CYBRD1: variants seen among roughly 807,000 people sequenced by gnomAD.
The protein encoded by CYBRD1 is plasma membrane ascorbate-dependent reductase CYBRD1.
CYBRD1 carries 14 observed loss-of-function variants against 21.9 expected under a neutral mutation model. The ratio of observed to expected loss-of-function variants is 0.64; its 90% CI spans 0.42 to 1.00. The LOEUF (loss-of-function observed/expected upper bound fraction) is 1.00. Ranked by LOEUF, CYBRD1 falls within the 50% of genes least tolerant of loss-of-function variation. The probability of loss-of-function intolerance (pLI) is 0.00; values close to 1 mark genes in which losing one functional copy is unlikely to be tolerated. For missense variants in CYBRD1, 328 were observed against 352.5 expected (o/e 0.93, Z 0.56); for synonymous variants, 146 against 136.5 (o/e 1.07, Z -0.48).
At chr2:171,530,449 T>C (rs1184519359) in intron 1 of CYBRD1, among the ~76,000 whole-genome samples, 1 of 152,240 alleles carries the variant, frequency 6.6e-6, no homozygotes, top group African/African-American at 2.4e-5. Context: ...GCCTAATAAC[T>C]GGTGACAAAC....
Position 171,558,115 on chromosome 2 carries a change from A to C in CYBRD1, c.*3288A>C, listed in dbSNP as rs1683521759. 6.6e-6 allele frequency: 1 copy of C among 151,524 alleles called. No individual in the cohort carries two copies. Among genetic ancestry groups the C allele is most frequent in the Admixed American group, 6.6e-5 (1 of 15,164 alleles). The allele number at this position is 151,524 out of a possible 1,614,324, so 9.4% of individuals were successfully genotyped here. ...TCTTGACTTCTTTTATATAGTAATA[A>C]AAGTTATTTTGGAAGCTCTTTGTGT... On this transcript the variant is annotated 3_prime_UTR_variant, in exon 4 of 4. Transcript: ENST00000321348.
intron 2 of CYBRD1, among the ~76,000 whole-genome samples, chr2:171,545,327 A>T (rs1485138458): frequency 6.7e-6 from 1 of 150,364 alleles, no homozygotes; most frequent in East Asian, 1.9e-4. Flanking sequence ...TCATAAATGG[A>T]TGTGGAATTT....
intron 1 of CYBRD1, among the ~76,000 whole-genome samples, chr2:171,525,913 C>T (rs1360869613): frequency 7.4e-6 from 1 of 135,786 alleles, no homozygotes; most frequent in Non-Finnish European, 1.5e-5. Flanking sequence ...TGCCATTGCA[C>T]TTCAGCCTGG....
At chr2:171,543,332 G>T (rs967887803) in intron 2 of CYBRD1, among the ~76,000 whole-genome samples, 8 of 152,198 alleles carry the variant, frequency 5.3e-5, no homozygotes, top group Admixed American at 1.3e-4. Context: ...TGAGGTCCCT[G>T]TTCCCTTGCT....
At chr2:171,544,309 C>T (rs1250391534) in intron 2 of CYBRD1, among the ~76,000 whole-genome samples, 2 of 152,106 alleles carry the variant, frequency 1.3e-5, no homozygotes, top group Non-Finnish European at 2.9e-5. Flanking sequence ...TGCATTTTCT[C>T]TGTTGTTAAC....
chr2:171,528,516 A>C (rs1406021300), intron 1 of CYBRD1, among the ~76,000 whole-genome samples: 2 of 151,524 alleles, frequency 1.3e-5, no homozygotes, highest in Non-Finnish European at 2.9e-5. Flanking sequence ...GTTCTTCCTC[A>C]TCTTCCTGAT....
Position 171,522,814 on chromosome 2 carries a change from C to G in CYBRD1, c.193+76C>G, listed in dbSNP as rs941072134. The stretch of plus-strand genomic sequence containing the variant: ...GGGGCAGAGGGTCCTCCGTGAAGCC[C>G]CTTCCAGCTGAGGAAGTGCTGGAGG... On this transcript the variant is annotated intron_variant, in intron 1 of 3. Coordinates refer to ENST00000321348, the MANE Select transcript of CYBRD1 (RefSeq NM_024843.4). The surrounding 1 kb of genome is among the most constrained non-coding windows in gnomAD (Gnocchi z 4.3). 6.3e-7 allele frequency: 1 copy of G among 1,593,404 alleles called. No homozygotes were observed. The highest frequency in any genetic ancestry group is 8.5e-7 in the Non-Finnish European group (1 of 1,169,976).
chr2:171,534,042 T>G (rs1697511686), intron 1 of CYBRD1, among the ~76,000 whole-genome samples: 2 of 152,234 alleles, frequency 1.3e-5, no homozygotes, highest in Non-Finnish European at 2.9e-5. Flanking sequence ...TTCAAGTTAC[T>G]GTATTTTTCT....
In CYBRD1 at chr2:171,554,812, G is replaced by A; in HGVS notation, c.846G>A (p.Gln282=). The A allele has an allele frequency of 1.2e-6, 2 of 1,613,194 alleles. No individual in the cohort carries two copies. The highest frequency in any genetic ancestry group is 1.7e-6 in the Non-Finnish European group (2 of 1,179,892). ...KRNLALDEAG[Q]RSTM ...ACTTAGCTCTGGATGAGGCTGGGCA[G>A]AGATCTACCATGTAAAATGTTGTAG... Residue 282 remains glutamine, a synonymous_variant, in exon 4 of 4, where the codon CAG becomes CAA. Transcript: ENST00000321348.
chr2:171,545,877 C>T (rs1211407319), intron 2 of CYBRD1, among the ~76,000 whole-genome samples: 1 of 152,020 alleles, frequency 6.6e-6, no homozygotes, highest in Non-Finnish European at 1.5e-5. Flanking sequence ...TTGAAATATA[C>T]AATAAATTAT....
At chr2:171,545,300 T>G (rs1490961502) in intron 2 of CYBRD1, among the ~76,000 whole-genome samples, 1 of 152,112 alleles carries the variant, frequency 6.6e-6, no homozygotes, top group African/African-American at 2.4e-5. Context: ...TGCAAAGGTT[T>G]TGTTTTTCTT....
chr2:171,536,783 T>C (rs1697552195), intron 1 of CYBRD1, among the ~76,000 whole-genome samples: 1 of 152,230 alleles, frequency 6.6e-6, no homozygotes, highest in Non-Finnish European at 1.5e-5. Flanking sequence ...TGGGAATTTT[T>C]GATATAATAT....
intron 1 of CYBRD1, chr2:171,539,712 A>C (rs1697599921): frequency 1.3e-5 from 2 of 149,176 alleles, no homozygotes; most frequent in South Asian, 4.3e-4. Flanking sequence ...AACCCTTTGT[A>C]AAAAAACTTT....
chr2:171,529,352 A>G (rs1189329234), intron 1 of CYBRD1, among the ~76,000 whole-genome samples: 1 of 151,906 alleles, frequency 6.6e-6, no homozygotes, highest in Non-Finnish European at 1.5e-5. Flanking sequence ...ACCAACATGG[A>G]GAAACCCCAT....
chr2:171,536,948 GTGA>G (rs1270145730), intron 1 of CYBRD1, among the ~76,000 whole-genome samples: 3 of 152,056 alleles, frequency 2.0e-5, no homozygotes, highest in Non-Finnish European at 4.4e-5. Flanking sequence ...TAATGTGATG[GTGA>G]TGATGATAAC....
In CYBRD1 at chr2:171,546,949, G is replaced by A. The variant is rs1284394055; in HGVS notation, c.402+5156G>A. 2.0e-5 allele frequency among the ~76,000 whole-genome samples: 3 copies of A among 152,212 alleles called. No individual in the cohort carries two copies. In the South Asian group the frequency reaches 6.2e-4, roughly 31 times the overall value. On this transcript the variant is annotated intron_variant, in intron 2 of 3. Transcript: ENST00000321348. ...ATAATTATAGGGAGACTAGCTTGCA[G>A]GTGTTTATGGAGTTAAGATGAGAAA...
At chr2:171,548,108 T>C (rs1697744621) in intron 2 of CYBRD1, among the ~76,000 whole-genome samples, 1 of 140,454 alleles carries the variant, frequency 7.1e-6, no homozygotes, top group African/African-American at 2.8e-5. Flanking sequence ...GCTGGTTAGA[T>C]TTATTTATTT....
intron 1 of CYBRD1, among the ~76,000 whole-genome samples, chr2:171,527,587 A>G (rs1479983633): frequency 6.6e-6 from 1 of 152,188 alleles, no homozygotes. Context: ...AATGGACATC[A>G]TATTGCACTG....
intron 1 of CYBRD1, among the ~76,000 whole-genome samples, chr2:171,525,457 C>A (rs764502022): frequency 2.0e-5 from 3 of 152,126 alleles, no homozygotes; most frequent in Non-Finnish European, 2.9e-5. Context: ...ACATTCCTCA[C>A]CCTAAGTATT....
Sources: gnomAD v4.1 joint callset for allele counts (sites outside exome capture counted in the v4.1 genomes callset) on GRCh38, gnomAD v4.1.1 for gene constraint, Gnocchi (gnomAD v3.1) non-coding constraint, MANE v1.5 for transcripts, NCBI Gene and HGNC (gene_info 2026-07-23, HGNC 2026-07-21) for gene names.